RPS6KA5: variants seen among roughly 807,000 people sequenced by gnomAD.
The protein encoded by RPS6KA5 is ribosomal protein S6 kinase alpha-5.
In RPS6KA5, 27 loss-of-function variants were observed where a neutral mutation model predicts 85.5. The observed-to-expected ratio is 0.32, with a 90% CI of 0.23 to 0.44. The LOEUF (loss-of-function observed/expected upper bound fraction) is 0.44. Among genes scored for constraint, RPS6KA5 ranks in the 20% least tolerant of loss-of-function variants. The pLI, the probability that RPS6KA5 is intolerant of heterozygous loss-of-function variation, is 1.00. For missense variants in RPS6KA5, 811 were observed against 980.9 expected, an observed-to-expected ratio of 0.83 and a Z score of 2.31; for synonymous variants, 334 against 348.2, an observed-to-expected ratio of 0.96 and a Z score of 0.46.
At position 91,037,516 on chromosome 14, in the gene RPS6KA5, C is replaced by A. The variant is rs148695276; in HGVS notation, c.103+22816G>T. ...GCCTGTGTCCCCTCACCAGTGCATT[C>A]TTAATTACCTTGGTGAATGAAGTGT... On this transcript the variant is annotated intron_variant, in intron 1 of 16. Coordinates refer to ENST00000614987, the MANE Select transcript of RPS6KA5 (RefSeq NM_004755.4). Among the ~76,000 whole-genome samples, 11 of 152,354 alleles carry A rather than the reference C, an allele frequency of 7.2e-5. No individual in the cohort carries two copies. In the East Asian group the frequency reaches 1.7e-3, roughly 24 times the overall value.
intron 3 of RPS6KA5, among the ~76,000 whole-genome samples, chr14:90,969,985 C>CGAGAAA (rs2039247370): frequency 6.6e-6 from 1 of 152,108 alleles, no homozygotes; most frequent in Admixed American, 6.5e-5. Flanking sequence ...TCTACCTACT[C>CGAGAAA]TTTCTCCTCT....
At chr14:91,011,653 T>C (rs1471113321) in intron 1 of RPS6KA5, among the ~76,000 whole-genome samples, 1 of 152,180 alleles carries the variant, frequency 6.6e-6, no homozygotes, top group Non-Finnish European at 1.5e-5. Context: ...ACTTGACCAA[T>C]TCCTTTTTTC....
At chr14:91,013,423 T>G (rs1438051643) in intron 1 of RPS6KA5, among the ~76,000 whole-genome samples, 1 of 152,004 alleles carries the variant, frequency 6.6e-6, no homozygotes, top group Non-Finnish European at 1.5e-5. Flanking sequence ...TCAGCCCATC[T>G]GAAGGTTTGG....
intron 3 of RPS6KA5, among the ~76,000 whole-genome samples, chr14:90,948,394 G>A (rs545077552): frequency 1.3e-5 from 2 of 152,128 alleles, no homozygotes; most frequent in Non-Finnish European, 2.9e-5. Flanking sequence ...GCTTTAAATT[G>A]TAGTTACATC....
At chr14:91,052,274 C>T (rs1411678039) in intron 1 of RPS6KA5, 1 of 322,892 alleles carries the variant, frequency 3.1e-6, no homozygotes. Flanking sequence ...ATGGCAAAAC[C>T]CCATCTCTAC....
intron 1 of RPS6KA5, among the ~76,000 whole-genome samples, chr14:91,013,400 A>G (rs373956749): frequency 2.6e-5 from 4 of 152,216 alleles, no homozygotes; most frequent in African/African-American, 4.8e-5. Flanking sequence ...CCAGAAGAGC[A>G]TAAGAGAGCA....
chr14:90,997,568 G>A (rs1595436131), intron 2 of RPS6KA5, among the ~76,000 whole-genome samples: 1 of 152,158 alleles, frequency 6.6e-6, no homozygotes, highest in East Asian at 1.9e-4. Flanking sequence ...TTGGCAAGAT[G>A]GGGAGTCTCA....
intron 7 of RPS6KA5, among the ~76,000 whole-genome samples, chr14:90,919,809 T>C (rs1393086679): frequency 6.6e-6 from 1 of 152,206 alleles, no homozygotes; most frequent in Non-Finnish European, 1.5e-5. Context: ...ACTACATTCA[T>C]GAGTTCAAAA....
chr14:91,044,602 G>C lies in RPS6KA5; in HGVS notation c.103+15730C>G, dbSNP rs141294697. 2.0e-5 allele frequency among the ~76,000 whole-genome samples: 3 copies of C among 151,742 alleles called. No homozygotes were observed. In the South Asian group the frequency reaches 6.2e-4, roughly 32 times the overall value. Reference sequence around the variant, plus strand: ...AAGATTGAAGACCCAGGCTGGGTGCGGTGGCTCACGCCTGTAATTCCAGCA... The same window carrying C: ...AAGATTGAAGACCCAGGCTGGGTGCCGTGGCTCACGCCTGTAATTCCAGCA... On this transcript the variant is annotated intron_variant, in intron 1 of 16. Transcript: ENST00000614987.
At chr14:90,881,393 C>T (rs2033826935) in intron 14 of RPS6KA5, among the ~76,000 whole-genome samples, 1 of 150,224 alleles carries the variant, frequency 6.7e-6, no homozygotes, top group Non-Finnish European at 1.5e-5. Context: ...GCAGAGGTTC[C>T]AGTGAGCTGA....
chr14:90,872,139 G>A lies in RPS6KA5; in HGVS notation c.2344C>T (p.Pro782Ser), dbSNP rs200115430. 8.7e-6 allele frequency: 14 copies of A among 1,614,006 alleles called. No homozygotes were observed. The South Asian group carries it at 1.4e-4, about 16-fold the overall frequency. ...TTATTGCTGTCGGCAGGATTGCTGG[G>A]CTGCAGTGTCTTGGTGGGTGTAGTT... ...GKTTPTKTLQ[P>S]SNPADSNNPE... is the part of the protein sequence containing the mutation. The change falls in exon 17 of 17, where the codon CCC becomes TCC. Residue 782 changes from proline (P) to serine (S), a missense_variant. This residue lies in a region of RPS6KA5 where 650 missense variants were observed against 793.4 expected (regional missense o/e 0.82). Transcript: ENST00000614987.
rs528534286 is a variant in RPS6KA5 at position 90,887,465 on chromosome 14, C to T, written c.1836+3022G>A. Among the ~76,000 whole-genome samples, 33 of 152,172 alleles carry T rather than the reference C, an allele frequency of 2.2e-4. 1 individual carries two copies. The highest frequency in any genetic ancestry group is 3.4e-3 in the Middle Eastern group (1 of 294). On this transcript the variant is annotated intron_variant, in intron 14 of 16. Transcript: ENST00000614987. The stretch of plus-strand genomic sequence containing the variant: ...TTGGCCTCCCGAAGTGCTGGGATTA[C>T]AGACTGTGTCTGTCCATAAAAGGCA...
chr14:91,059,373 G>A (rs1595583855), intron 1 of RPS6KA5, among the ~76,000 whole-genome samples: 1 of 148,714 alleles, frequency 6.7e-6, no homozygotes, highest in African/African-American at 2.5e-5. Flanking sequence ...ATATGCCAAA[G>A]CAGCTCTGTC....
intron 3 of RPS6KA5, among the ~76,000 whole-genome samples, chr14:90,950,947 CCT>C (rs1458595918): frequency 2.6e-5 from 4 of 151,460 alleles, no homozygotes; most frequent in East Asian, 2.0e-4. Context: ...ACGGTGAAAC[CCT>C]GTCTCTACTA....
intron 3 of RPS6KA5, among the ~76,000 whole-genome samples, chr14:90,972,994 A>T (rs1238000537): frequency 6.6e-6 from 1 of 152,166 alleles, no homozygotes; most frequent in East Asian, 1.9e-4. Flanking sequence ...AAGAAAATTA[A>T]CTCTACAATG....
At chr14:90,893,891 G>A in intron 13 of RPS6KA5, 1 of 554,862 alleles carries the variant, frequency 1.8e-6, no homozygotes, top group Non-Finnish European at 2.3e-6. Context: ...GCTACATATA[G>A]TTCTATAAAT....
chr14:91,042,324 A>C (rs972463496), intron 1 of RPS6KA5, among the ~76,000 whole-genome samples: 3 of 152,004 alleles, frequency 2.0e-5, no homozygotes, highest in African/African-American at 7.3e-5. Flanking sequence ...GCCTGGCCAG[A>C]TGCTGAAACC....
chr14:90,963,214 A>G (rs2038895795), intron 3 of RPS6KA5, among the ~76,000 whole-genome samples: 1 of 152,192 alleles, frequency 6.6e-6, no homozygotes, highest in Non-Finnish European at 1.5e-5. Flanking sequence ...CTCATGATGC[A>G]GGTTATGTAT....
chr14:90,978,395 C>T lies in RPS6KA5; in HGVS notation c.305G>A (p.Arg102Gln). ...AKTTEHTRTE[R>Q]QVLEHIRQSP... Reference sequence around the variant, plus strand: ...CTGCCTAATGTGTTCCAGGACTTGTCGTTCTGTCCTTGTATGCTCTGTGGT... The same window carrying T: ...CTGCCTAATGTGTTCCAGGACTTGTTGTTCTGTCCTTGTATGCTCTGTGGT... The change falls in exon 3 of 17, where the codon CGA becomes CAA. Residue 102 changes from arginine (R) to glutamine (Q), a missense_variant. Transcript: ENST00000614987. The T allele has an allele frequency of 1.2e-6, 2 of 1,613,692 alleles. No homozygotes were observed. Among genetic ancestry groups the T allele is most frequent in the Non-Finnish European group, 1.7e-6 (2 of 1,179,816 alleles).
Sources: allele counts gnomAD v4.1 joint callset (sites outside exome capture counted in the v4.1 genomes callset), GRCh38; gene constraint gnomAD v4.1.1; regional missense constraint gnomAD v4.1.1; transcripts MANE v1.5; gene names NCBI Gene and HGNC (gene_info 2026-07-23, HGNC 2026-07-21).